The following NLE1 variants were observed in gnomAD, a reference collection of about 807,000 sequenced individuals.
The protein encoded by NLE1 is notchless homolog 1, also known as notchless protein homolog 1.
NLE1 carries 37 observed loss-of-function variants against 62.8 expected under a neutral mutation model. The ratio of observed to expected loss-of-function variants is 0.59; its 90% CI spans 0.45 to 0.78. NLE1 has a LOEUF of 0.78. NLE1 is among the 30% of genes least tolerant of loss of function. NLE1 has a pLI of 0.00. For missense variants in NLE1, 555 were observed against 637.9 expected (o/e 0.87, Z 1.40); for synonymous variants, 243 against 253.0 (o/e 0.96, Z 0.37).
intron 12 of NLE1, among the ~76,000 whole-genome samples, chr17:35,132,779 T>TG (rs1232034650): frequency 5.9e-5 from 9 of 152,224 alleles, no homozygotes; most frequent in Admixed American, 5.9e-4. Context: ...AAGAGACTGA[T>TG]TAACCAAGTT....
chr17:35,130,513 C>A lies in NLE1; in HGVS notation c.*1924G>T. Reference sequence around the variant, plus strand: ...TCAGAAACCAGAGCCATGAGACCTACCATACCACCAGCACCCTGCGGGCCC... The same window carrying A: ...TCAGAAACCAGAGCCATGAGACCTAACATACCACCAGCACCCTGCGGGCCC... On this transcript the variant is annotated 3_prime_UTR_variant, in exon 13 of 13. Coordinates refer to ENST00000442241, the MANE Select transcript of NLE1 (RefSeq NM_018096.5). 3 of 1,452,634 alleles carry A rather than the reference C, an allele frequency of 2.1e-6. No individual in the cohort carries two copies. The highest frequency in any genetic ancestry group is 1.2e-5 in the South Asian group (1 of 80,444). 90.0% of individuals were successfully genotyped at this position (1,452,634 alleles called of 1,614,324 possible).
At chr17:35,137,482 G>T in intron 6 of NLE1, 61 bp downstream of exon 6, 1 of 1,381,286 alleles carries the variant, frequency 7.2e-7, no homozygotes, top group Non-Finnish European at 1.0e-6. Context: ...GCATTGGGCA[G>T]GGAAAGGGGA....
At position 35,139,837 on chromosome 17, in the gene NLE1, A is replaced by G; in HGVS notation, c.380+12T>C. On this transcript the variant is annotated intron_variant, in intron 3 of 12. Transcript: ENST00000442241. ...CCACATACCCCCTCCATGAGTCTGCAGCTGTCCTTACTTTCCCGTAGGGCT... is the reference window on the plus strand; with the variant it reads ...CCACATACCCCCTCCATGAGTCTGCGGCTGTCCTTACTTTCCCGTAGGGCT... The G allele has an allele frequency of 6.2e-7, 1 of 1,610,030 alleles. No homozygotes were observed. The highest frequency in any genetic ancestry group is 8.5e-7 in the Non-Finnish European group (1 of 1,179,862).
At chr17:35,136,056 G>A in intron 9 of NLE1, 113 bp downstream of exon 9, 1 of 995,534 alleles carries the variant, frequency 1.0e-6, no homozygotes. Context: ...ACAACTTTTT[G>A]GAATAGGTAC....
rs150690164 is a variant in NLE1 at position 35,134,436 on chromosome 17, G to A, written c.1214+813C>T. ...TTTTTTTGAGACACAGTATCACTCTGTTGCCCAGGCTGGAGTACAGTGGTG... is the reference window on the plus strand; with the variant it reads ...TTTTTTTGAGACACAGTATCACTCTATTGCCCAGGCTGGAGTACAGTGGTG... On this transcript the variant is annotated intron_variant, in intron 10 of 12. Coordinates refer to ENST00000442241, the MANE Select transcript of NLE1 (RefSeq NM_018096.5). 7.5e-3 allele frequency among the ~76,000 whole-genome samples: 1,130 copies of A among 150,988 alleles called. 38 individuals carry two copies. The East Asian group carries it at 0.11, about 14-fold the overall frequency.
At chr17:35,136,685 A>G (rs2091910937) in intron 7 of NLE1, among the ~76,000 whole-genome samples, 188 bp from the exon 8 acceptor site, 1 of 152,196 alleles carries the variant, frequency 6.6e-6, no homozygotes, top group Non-Finnish European at 1.5e-5. Flanking sequence ...AAAATGTTTC[A>G]TGGAAGAGGA....
rs1164691574 is a variant in NLE1 at position 35,131,143 on chromosome 17, T to G, written c.*1294A>C. 1 of 152,210 alleles carries G rather than the reference T, an allele frequency of 6.6e-6. No individual in the cohort carries two copies. The highest frequency in any genetic ancestry group is 1.5e-5 in the Non-Finnish European group (1 of 68,054). The allele number at this position is 152,210 out of a possible 1,614,324, so 9.4% of individuals were successfully genotyped here. On this transcript the variant is annotated 3_prime_UTR_variant, in exon 13 of 13. Coordinates refer to ENST00000442241, the MANE Select transcript of NLE1 (RefSeq NM_018096.5). ...GTTTCCTCATCAAAAGTTTTGGAGC[T>G]TGAGAACCTTCCAGGCCTGGTGCAG...
chr17:35,139,084 T>G, intron 4 of NLE1, 151 bp downstream of exon 4: 1 of 593,562 alleles, frequency 1.7e-6, no homozygotes, highest in Non-Finnish European at 2.9e-6. Context: ...GAGGCTGAAG[T>G]AGGGGGACTG....
At position 35,136,222 on chromosome 17, in the gene NLE1, C is replaced by T. The variant is rs1201255279; in HGVS notation, c.965-7G>A. On this transcript the variant is annotated splice_region_variant and splice_polypyrimidine_tract_variant and intron_variant, in intron 8 of 12. Transcript: ENST00000442241. ...CTCTCCTTCAACTCCTGCACTGTGA[C>T]CAGGTACCGGAGGGGAGAAAAGGAG... 1 of 1,614,012 alleles carries T rather than the reference C, an allele frequency of 6.2e-7. No homozygotes were observed. Among genetic ancestry groups the T allele is most frequent in the South Asian group, 1.1e-5 (1 of 91,076 alleles).
intron 9 of NLE1, among the ~76,000 whole-genome samples, chr17:35,135,954 T>C (rs1248781656): frequency 6.6e-6 from 1 of 152,174 alleles, no homozygotes; most frequent in African/African-American, 2.4e-5. Context: ...GGAAATGTAA[T>C]AAATAGACAA....
At chr17:35,136,904 G>GA in intron 7 of NLE1, 97 bp downstream of exon 7, 1 of 1,186,476 alleles carries the variant, frequency 8.4e-7, no homozygotes, top group Non-Finnish European at 1.2e-6. Flanking sequence ...ACACATCTGG[G>GA]AAACACTGGA....
At position 35,138,034 on chromosome 17, in the gene NLE1, A is replaced by C. The variant is rs74341106; in HGVS notation, c.461-144T>G. 4,704 of 622,700 alleles carry C rather than the reference A, an allele frequency of 7.6e-3. 144 individuals carry two copies. Among genetic ancestry groups the C allele is most frequent in the East Asian group, 0.073 (2,683 of 36,764 alleles). 38.6% of individuals were successfully genotyped at this position (622,700 alleles called of 1,614,324 possible). ...AAAGGAGCGATGAGGCTTTCTGGGG[A>C]TGGATAGAATGCACCCCAAGTGTTA... On this transcript the variant is annotated intron_variant, in intron 4 of 12. Coordinates refer to ENST00000442241, the MANE Select transcript of NLE1 (RefSeq NM_018096.5).
chr17:35,129,540 TCAA>T lies in NLE1; in HGVS notation c.*2894_*2896del, dbSNP rs1296853329. The T allele has an allele frequency of 1.9e-6, 3 of 1,614,178 alleles. No homozygotes were observed. Among genetic ancestry groups the T allele is most frequent in the Non-Finnish European group, 2.5e-6 (3 of 1,180,026 alleles). ...GAGGCAAAGAATCGTCCATGGATCT[TCAA>T]CAAGATTTTGGGCACTACTGTCAAG... On this transcript the variant is annotated 3_prime_UTR_variant, in exon 13 of 13. Coordinates refer to ENST00000442241, the MANE Select transcript of NLE1 (RefSeq NM_018096.5).
In NLE1 at chr17:35,131,947, T is replaced by C. The variant is rs1393046867; in HGVS notation, c.*490A>G. 6.6e-6 allele frequency: 1 copy of C among 152,510 alleles called. No individual in the cohort carries two copies. Among genetic ancestry groups the C allele is most frequent in the Non-Finnish European group, 1.5e-5 (1 of 68,254 alleles). 9.4% of individuals were successfully genotyped at this position (152,510 alleles called of 1,614,324 possible). A position where few individuals can be genotyped will look rare whatever the true frequency, so the allele number is the denominator to read the frequency against. ...GGGGAAGAGAGGGAAGGCAAGTGCC[T>C]GGTCAGTGTGGTTTTGGCGTAGTCC... On this transcript the variant is annotated 3_prime_UTR_variant, in exon 13 of 13. Transcript: ENST00000442241.
Position 35,131,332 on chromosome 17 carries a change from TAAG to T in NLE1, c.*1102_*1104del, listed in dbSNP as rs963676535. On this transcript the variant is annotated 3_prime_UTR_variant, in exon 13 of 13. Coordinates refer to ENST00000442241, the MANE Select transcript of NLE1 (RefSeq NM_018096.5). ...AAGCACAGACAAGGGTGGAGGAGGG[TAAG>T]AAGGAGCAAGATGCTAGTTCTGAGC... 1.3e-5 allele frequency: 2 copies of T among 151,222 alleles called. No individual in the cohort carries two copies. Among genetic ancestry groups the T allele is most frequent in the Non-Finnish European group, 2.9e-5 (2 of 68,116 alleles). The allele number at this position is 151,222 out of a possible 1,614,324, so 9.4% of individuals were successfully genotyped here.
chr17:35,139,855 G>T lies in NLE1; in HGVS notation c.374C>A (p.Thr125Lys), dbSNP rs115162358. 3 of 1,612,470 alleles carry T rather than the reference G, an allele frequency of 1.9e-6. No individual in the cohort carries two copies. The highest frequency in any genetic ancestry group is 2.5e-6 in the Non-Finnish European group (3 of 1,179,988). ...AGTCTGCAGCTGTCCTTACTTTCCC[G>T]TAGGGCTGAAGGCCACAGAAATGAC... ...EAVISVAFSPTGKYLASGSGD... is the reference protein window; with the variant it reads ...EAVISVAFSPKGKYLASGSGD... Residue 125 changes from threonine to lysine, a missense_variant, in exon 3 of 13, where the codon ACG becomes AAG. Coordinates refer to ENST00000442241, the MANE Select transcript of NLE1 (RefSeq NM_018096.5).
At chr17:35,139,100 A>ACCCAGGAGTTCAAGGCTTGAG in intron 4 of NLE1, 135 bp downstream of exon 4, 3 of 667,372 alleles carry the variant, frequency 4.5e-6, no homozygotes, top group Non-Finnish European at 5.1e-6. Flanking sequence ...GACTGCTTGA[A>ACCCAGGAGTTCAAGGCTTGAG]CCCAGGAGTT....
rs1432242897 is a variant in NLE1 at position 35,139,331 on chromosome 17, G to A, written c.381-17C>T. On this transcript the variant is annotated splice_polypyrimidine_tract_variant and intron_variant, in intron 3 of 12. Coordinates refer to ENST00000442241, the MANE Select transcript of NLE1 (RefSeq NM_018096.5). The stretch of plus-strand genomic sequence containing the variant: ...GCCAGGTACCTGGGGAAGAAGAGAG[G>A]ATGCTTGACACTGCACATGTGCATT... 7.5e-6 allele frequency: 12 copies of A among 1,607,032 alleles called. No homozygotes were observed. Among genetic ancestry groups the A allele is most frequent in the Admixed American group, 5.0e-5 (3 of 59,976 alleles).
chr17:35,133,571 G>A (rs959573162), intron 10 of NLE1, 73 bp from the exon 11 acceptor site: 69 of 1,397,816 alleles, frequency 4.9e-5, no homozygotes, highest in Admixed American at 8.2e-5. Context: ...GGTCCCCTAC[G>A]CTCATGGCAG....
Sources: gnomAD v4.1 joint callset for allele counts (sites outside exome capture counted in the v4.1 genomes callset) on GRCh38, gnomAD v4.1.1 for gene constraint, MANE v1.5 for transcripts, NCBI Gene and HGNC (gene_info 2026-07-23, HGNC 2026-07-21) for gene names.